Variants in TMCC3 observed in about 807,000 individuals in gnomAD.
TMCC3 encodes transmembrane and coiled-coil domain family 3.
In TMCC3, 28 loss-of-function variants were observed where a neutral mutation model predicts 40.2. The ratio of observed to expected loss-of-function variants is 0.70; its 90% CI spans 0.52 to 0.95. TMCC3 has a LOEUF of 0.95. Ranked by LOEUF, TMCC3 falls within the 40% of genes least tolerant of loss-of-function variation. The probability of loss-of-function intolerance (pLI) is 0.00; values close to 1 mark genes in which losing one functional copy is unlikely to be tolerated. For missense variants in TMCC3, 554 were observed against 615.2 expected (o/e 0.90, Z 1.05); for synonymous variants, 255 against 248.5 (o/e 1.03, Z -0.25).
intron 1 of TMCC3, among the ~76,000 whole-genome samples, chr12:94,594,893 C>T (rs989219174): frequency 1.3e-5 from 2 of 152,218 alleles, no homozygotes; most frequent in African/African-American, 4.8e-5. Flanking sequence ...ACCTGTCTTG[C>T]AGAGTCTTTC....
chr12:94,597,124 CATATATATATATATATATATATAT>C (rs869220054), intron 1 of TMCC3, among the ~76,000 whole-genome samples: 1 of 29,836 alleles, frequency 3.4e-5, no homozygotes, highest in Admixed American at 3.4e-4. Context: ...TATTAAAATA[CATATATATATATATATATATATAT>C]ATATATATAT....
In TMCC3 at chr12:94,582,142, G is replaced by A. The variant is rs934830546; in HGVS notation, c.475C>T (p.His159Tyr). ...SRSSKDISKD[H>Y]LKDIHRSLKD... ...AAAGAGCGATGTATATCCTTCAGGT[G>A]GTCTTTGGAAATGTCCTTTGAGCTC... The change falls in exon 2 of 4, where the codon CAC becomes TAC. Residue 159 changes from histidine (H) to tyrosine (Y), a missense_variant. Coordinates refer to ENST00000261226, the MANE Select transcript of TMCC3 (RefSeq NM_020698.4). 13 of 1,614,126 alleles carry A rather than the reference G, an allele frequency of 8.1e-6. No individual in the cohort carries two copies. In the South Asian group the frequency reaches 8.8e-5, roughly 11 times the overall value.
intron 1 of TMCC3, among the ~76,000 whole-genome samples, chr12:94,586,459 T>C (rs2068638873): frequency 6.6e-6 from 1 of 152,210 alleles, no homozygotes; most frequent in Admixed American, 6.6e-5. Flanking sequence ...ATTCTTCTTG[T>C]CATTTTTCAC....
At chr12:94,580,200 A>T (rs1484245309) in intron 2 of TMCC3, among the ~76,000 whole-genome samples, 1 of 152,222 alleles carries the variant, frequency 6.6e-6, no homozygotes, top group East Asian at 1.9e-4. Flanking sequence ...TTGACTAAAA[A>T]ACTTTTGAAG....
intron 1 of TMCC3, among the ~76,000 whole-genome samples, chr12:94,619,304 T>C: frequency 6.6e-6 from 1 of 152,248 alleles, no homozygotes; most frequent in East Asian, 1.9e-4. Flanking sequence ...TATTACCTTA[T>C]GCCCCAGGGC....
chr12:94,592,287 C>T (rs578111903), intron 1 of TMCC3, among the ~76,000 whole-genome samples: 18 of 152,118 alleles, frequency 1.2e-4, no homozygotes, highest in Middle Eastern at 3.4e-3. Flanking sequence ...TTTTATTCCT[C>T]GCATCCCCCC....
chr12:94,581,993 G>A lies in TMCC3; in HGVS notation c.624C>T (p.Asn208=). The A allele has an allele frequency of 1.2e-6, 2 of 1,614,210 alleles. No individual in the cohort carries two copies. Among genetic ancestry groups the A allele is most frequent in the Non-Finnish European group, 1.7e-6 (2 of 1,180,038 alleles). The change falls in exon 2 of 4, where the codon AAC becomes AAT. Residue 208 remains asparagine, a synonymous_variant. Coordinates refer to ENST00000261226, the MANE Select transcript of TMCC3 (RefSeq NM_020698.4). The part of the protein sequence containing the change: ...FVFNKSREFA[N]LIRNKFGSAD... ...CGCTGCCAAACTTATTCCGGATCAG[G>A]TTGGCAAACTCTCTGGACTTATTGA...
At chr12:94,637,271 G>C (rs775440597) in intron 1 of TMCC3, among the ~76,000 whole-genome samples, 2 of 152,114 alleles carry the variant, frequency 1.3e-5, no homozygotes, top group Admixed American at 1.3e-4. Flanking sequence ...GGAGAAGCTG[G>C]GTGAGGGGTA....
intron 1 of TMCC3, among the ~76,000 whole-genome samples, chr12:94,592,540 A>G (rs2068683210): frequency 6.7e-6 from 1 of 150,088 alleles, no homozygotes; most frequent in Non-Finnish European, 1.5e-5. Flanking sequence ...GCTACTCAGG[A>G]GGCTGAGGCA....
In TMCC3 at chr12:94,648,193, G is replaced by A. The variant is rs115645829; in HGVS notation, c.78+2160C>T. On this transcript the variant is annotated intron_variant, in intron 1 of 3. Coordinates refer to ENST00000261226, the MANE Select transcript of TMCC3 (RefSeq NM_020698.4). ...TCCATGCTAACAATACAAGGCAGCA[G>A]GTACAATAACATTGTCAGTAGAATT... is the stretch of plus-strand genomic sequence containing the variant. Among the ~76,000 whole-genome samples the A allele has an allele frequency of 2.7e-3, 417 of 152,122 alleles. 2 individuals carry two copies. The highest frequency in any genetic ancestry group is 9.6e-3 in the African/African-American group (397 of 41,454).
At chr12:94,583,439 G>C (rs186470748) in intron 1 of TMCC3, among the ~76,000 whole-genome samples, 1 of 150,392 alleles carries the variant, frequency 6.6e-6, no homozygotes, top group Admixed American at 6.6e-5. Context: ...GGAAGGTGGA[G>C]GTTGCAGTGA....
intron 1 of TMCC3, among the ~76,000 whole-genome samples, chr12:94,618,690 G>A (rs2068859684): frequency 1.3e-5 from 2 of 152,176 alleles, no homozygotes; most frequent in Non-Finnish European, 2.9e-5. Flanking sequence ...TATGTAGTCT[G>A]AACCTGAGGT....
intron 1 of TMCC3, chr12:94,609,921 G>C (rs2068805363): frequency 6.6e-6 from 1 of 152,160 alleles, no homozygotes; most frequent in South Asian, 2.1e-4. Context: ...ACATTTTCCA[G>C]AAGCTCCTCA....
At chr12:94,618,723 T>A (rs976651905) in intron 1 of TMCC3, among the ~76,000 whole-genome samples, 3 of 152,198 alleles carry the variant, frequency 2.0e-5, no homozygotes, top group Non-Finnish European at 4.4e-5. Flanking sequence ...AGGATGTTTC[T>A]GAACTCTGGG....
In TMCC3 at chr12:94,578,514, C is replaced by T. The variant is rs2270893; in HGVS notation, c.1011G>A (p.Glu337=). ...QEERYRYERL[E]DQLHDLTDLH... ...GGTCCGTCAGGTCATGCAGCTGGTC[C>T]TCCAGTCGCTCATACCTTTAAAAGA... is the stretch of plus-strand genomic sequence containing the variant. Residue 337 remains glutamate (E), a synonymous_variant, in exon 3 of 4, where the codon GAG becomes GAA. Coordinates refer to ENST00000261226, the MANE Select transcript of TMCC3 (RefSeq NM_020698.4). The T allele has an allele frequency of 0.53, 857,562 of 1,612,946 alleles. 228,929 individuals carry two copies. The highest frequency in any genetic ancestry group is 0.6 in the Admixed American group (36,197 of 59,878).
At chr12:94,644,836 GAGA>G (rs2069009580) in intron 1 of TMCC3, among the ~76,000 whole-genome samples, 1 of 152,176 alleles carries the variant, frequency 6.6e-6, no homozygotes, top group Non-Finnish European at 1.5e-5. Flanking sequence ...GTTCCACTGT[GAGA>G]AGGGCTACAG....
chr12:94,623,248 T>A (rs2068885241), intron 1 of TMCC3, among the ~76,000 whole-genome samples: 1 of 151,786 alleles, frequency 6.6e-6, no homozygotes, highest in Admixed American at 6.6e-5. Flanking sequence ...AATCTGAGAC[T>A]AAGCAGAGTG....
At chr12:94,629,845 C>T (rs975569624) in intron 1 of TMCC3, among the ~76,000 whole-genome samples, 13 of 152,200 alleles carry the variant, frequency 8.5e-5, no homozygotes, top group African/African-American at 2.7e-4. Flanking sequence ...ATTCAAATTT[C>T]GAATAAGGTT....
intron 1 of TMCC3, among the ~76,000 whole-genome samples, chr12:94,594,191 A>T (rs909137415): frequency 2.7e-5 from 3 of 109,634 alleles, no homozygotes; most frequent in Non-Finnish European, 5.6e-5. Context: ...CATGCCTTTT[A>T]AATTTAAATA....
Sources: allele counts gnomAD v4.1 joint callset (sites outside exome capture counted in the v4.1 genomes callset), GRCh38; gene constraint gnomAD v4.1.1; transcripts MANE v1.5; gene names NCBI Gene and HGNC (gene_info 2026-07-23, HGNC 2026-07-21).